Variants in MIPOL1 observed in about 807,000 individuals in gnomAD.
The protein encoded by MIPOL1 is mirror-image polydactyly 1, also known as mirror-image polydactyly gene 1 protein.
Under a neutral mutation model 60.9 loss-of-function variants are expected in MIPOL1, and 57 were observed. That is an observed-to-expected ratio of 0.94 (90% CI 0.76 to 1.17). The LOEUF (loss-of-function observed/expected upper bound fraction) is 1.17, where lower values mean the gene tolerates loss of function less well. Ranked by LOEUF, MIPOL1 falls within the 50% of genes most tolerant of loss-of-function variation. The pLI is 0.00. For synonymous variants in MIPOL1, 179 were observed against 168.8 expected (o/e 1.06, Z -0.47); for missense variants, 551 against 511.6 (o/e 1.08, Z -0.74).
At chr14:37,410,635 G>C (rs551579108) in intron 10 of MIPOL1, among the ~76,000 whole-genome samples, 1 of 152,016 alleles carries the variant, frequency 6.6e-6, no homozygotes, top group Admixed American at 6.6e-5. Context: ...TAATATTTTG[G>C]GTGGTTTAAA....
intron 1 of MIPOL1, among the ~76,000 whole-genome samples, chr14:37,225,880 C>T (rs1303112306): frequency 2.6e-5 from 4 of 152,156 alleles, no homozygotes; most frequent in Non-Finnish European, 4.4e-5. Context: ...CAAGTCACCT[C>T]TCGAATGCTT....
intron 10 of MIPOL1, among the ~76,000 whole-genome samples, chr14:37,396,596 T>C (rs960609065): frequency 3.9e-5 from 6 of 152,112 alleles, no homozygotes; most frequent in Admixed American, 2.6e-4. Flanking sequence ...TCTCTTCTTT[T>C]TCAGGCACAC....
chr14:37,375,432 G>A (rs1046353119), intron 10 of MIPOL1, among the ~76,000 whole-genome samples: 10 of 152,026 alleles, frequency 6.6e-5, no homozygotes, highest in Admixed American at 4.6e-4. Context: ...TGATCATTCC[G>A]CTTCGACCTC....
intron 9 of MIPOL1, among the ~76,000 whole-genome samples, chr14:37,327,602 GC>G (rs2089284656): frequency 6.6e-6 from 1 of 152,100 alleles, no homozygotes; most frequent in South Asian, 2.1e-4. Flanking sequence ...GCAGTCTTTA[GC>G]TGACAGTGAA....
chr14:37,451,262 C>G (rs2094412976), intron 11 of MIPOL1, among the ~76,000 whole-genome samples: 1 of 152,162 alleles, frequency 6.6e-6, no homozygotes, highest in Non-Finnish European at 1.5e-5. Context: ...TGTACCTTAT[C>G]TCCACTGTCT....
intron 7 of MIPOL1, among the ~76,000 whole-genome samples, chr14:37,298,820 A>G (rs943992017): frequency 1.3e-5 from 2 of 151,310 alleles, no homozygotes; most frequent in Non-Finnish European, 2.9e-5. Flanking sequence ...GAGGATGTTG[A>G]GAAATAGGAA....
At chr14:37,501,786 G>A (rs1366469621) in intron 12 of MIPOL1, 1 of 152,188 alleles carries the variant, frequency 6.6e-6, no homozygotes, top group Non-Finnish European at 1.5e-5. Context: ...GCCAAAGCAG[G>A]GCAGGGTGTC....
chr14:37,371,259 A>G (rs1056953617), intron 10 of MIPOL1, among the ~76,000 whole-genome samples: 2 of 151,854 alleles, frequency 1.3e-5, no homozygotes, highest in Non-Finnish European at 1.5e-5. Context: ...AGCTGAGACT[A>G]CAGGTGCCCA....
chr14:37,328,011 TTC>T (rs1039707149), intron 9 of MIPOL1, among the ~76,000 whole-genome samples: 33 of 149,238 alleles, frequency 2.2e-4, no homozygotes, highest in African/African-American at 7.3e-4. Context: ...GCAGAAAATT[TTC>T]TGTTTTCTTT....
chr14:37,449,174 C>T (rs542534733), intron 11 of MIPOL1, among the ~76,000 whole-genome samples: 11 of 152,174 alleles, frequency 7.2e-5, no homozygotes, highest in Non-Finnish European at 1.6e-4. Context: ...AAAGTCATTT[C>T]TAAGAATCAA....
intron 10 of MIPOL1, among the ~76,000 whole-genome samples, chr14:37,374,155 A>G (rs2092711975): frequency 6.6e-6 from 1 of 151,932 alleles, no homozygotes; most frequent in Non-Finnish European, 1.5e-5. Flanking sequence ...TTTTCTTCAT[A>G]TGTTTGTTGG....
At chr14:37,413,628 C>T (rs2153541340) in intron 10 of MIPOL1, among the ~76,000 whole-genome samples, 1 of 152,284 alleles carries the variant, frequency 6.6e-6, no homozygotes, top group East Asian at 1.9e-4. Flanking sequence ...AACATATTCA[C>T]AGGTTCTGGG....
At chr14:37,431,958 C>T (rs1339811632) in intron 11 of MIPOL1, among the ~76,000 whole-genome samples, 3 of 152,082 alleles carry the variant, frequency 2.0e-5, no homozygotes, top group South Asian at 4.1e-4. Flanking sequence ...CACTGGTATA[C>T]TGCTTCACAC....
At chr14:37,198,432 A>C (rs1250871840) in intron 1 of MIPOL1, among the ~76,000 whole-genome samples, 3 of 152,064 alleles carry the variant, frequency 2.0e-5, no homozygotes, top group African/African-American at 7.2e-5. Flanking sequence ...GGTTAGTCAG[A>C]AGGTTCCAGT....
At chr14:37,222,222 C>CT (rs201521182) in intron 1 of MIPOL1, among the ~76,000 whole-genome samples, 1,508 of 140,084 alleles carry the variant, frequency 0.011, 31 homozygotes, top group East Asian at 0.089. Context: ...GAAAACATTG[C>CT]TTTTTTTTTT....
intron 9 of MIPOL1, among the ~76,000 whole-genome samples, chr14:37,350,941 G>GTACATGTGCACATTGTGCAGGTTAGT (rs1567590143): frequency 6.6e-6 from 1 of 151,852 alleles, no homozygotes; most frequent in Non-Finnish European, 1.5e-5. Context: ...AAGTTCTAGG[G>GTACATGTGCACATTGTGCAGGTTAGT]TACATGTGCA....
intron 3 of MIPOL1, among the ~76,000 whole-genome samples, chr14:37,256,680 TAAG>T (rs1264374400): frequency 1.3e-5 from 2 of 151,884 alleles, no homozygotes; most frequent in African/African-American, 4.8e-5. Context: ...CTAGCCCAGG[TAAG>T]AAGATGACAA....
In MIPOL1 at chr14:37,422,936, C is replaced by T. The variant is rs1595711172; in HGVS notation, c.1018C>T (p.Arg340Ter). ...ACTGGAAGAGGAAATCCAGACCCTT[C>T]GAGTTTACTACAGGTAAAATTCTTT... ...KKLEEEIQTL[R>*]VYYSLHKSLS... Residue 340 changes from arginine to a stop codon, truncating the protein, a stop_gained, in exon 11 of 13, where the codon CGA becomes TGA. Transcript: ENST00000684589. LOFTEE classifies it high-confidence loss of function. 1.2e-6 allele frequency: 2 copies of T among 1,600,822 alleles called. No homozygotes were observed. The highest frequency in any genetic ancestry group is 1.7e-6 in the Non-Finnish European group (2 of 1,171,634).
rs182409616 is a variant in MIPOL1, at chr14:37,305,578, T to G, written c.624-2478T>G. 2.6e-5 allele frequency among the ~76,000 whole-genome samples: 4 copies of G among 151,848 alleles called. No homozygotes were observed. In the East Asian group the frequency reaches 7.8e-4, roughly 29 times the overall value. The stretch of plus-strand genomic sequence containing the variant: ...TGATCCCTACTCTATATAATCTACT[T>G]GAGACTAAATTATGACATAATCTAT... On this transcript the variant is annotated intron_variant, in intron 7 of 12. Transcript: ENST00000684589.
Sources: allele counts gnomAD v4.1 joint callset (sites outside exome capture counted in the v4.1 genomes callset), GRCh38; gene constraint gnomAD v4.1.1; transcripts MANE v1.5; gene names NCBI Gene and HGNC (gene_info 2026-07-23, HGNC 2026-07-21).